Variants in CNTLN observed in about 807,000 individuals in gnomAD.
CNTLN encodes the protein centlein, centrosomal protein.
A neutral mutation model predicts 180.0 loss-of-function variants in CNTLN; 212 were observed. That is an observed-to-expected ratio of 1.18 (90% CI 1.05 to 1.32). The LOEUF (loss-of-function observed/expected upper bound fraction) is 1.32, where lower values mean the gene tolerates loss of function less well. Among genes scored for constraint, CNTLN ranks in the 40% most tolerant of loss-of-function variants. The probability of loss-of-function intolerance (pLI) is 0.00; values close to 1 mark genes in which losing one functional copy is unlikely to be tolerated. For missense variants in CNTLN, 2,095 were observed against 1,610.9 expected (o/e 1.30, Z -5.14); for synonymous variants, 722 against 563.1 (o/e 1.28, Z -3.99).
intron 18 of CNTLN, among the ~76,000 whole-genome samples, chr9:17,421,180 G>T (rs574707986): frequency 4.6e-5 from 7 of 152,156 alleles, no homozygotes; most frequent in African/African-American, 1.2e-4. Context: ...AGCTATTATT[G>T]TATTGTCATA....
intron 18 of CNTLN, among the ~76,000 whole-genome samples, chr9:17,428,653 T>A (rs1010888880): frequency 6.6e-6 from 1 of 152,118 alleles, no homozygotes; most frequent in Admixed American, 6.6e-5. Flanking sequence ...AAAAAATAAT[T>A]CAGTTGAGAT....
intron 23 of CNTLN, among the ~76,000 whole-genome samples, chr9:17,473,388 T>G (rs2383018): frequency 0.047 from 7,129 of 152,098 alleles, 194 homozygotes; most frequent in Middle Eastern, 0.11. Context: ...TCCTCCCAAA[T>G]CTGTACCCAC....
intron 5 of CNTLN, among the ~76,000 whole-genome samples, chr9:17,267,494 G>C (rs1267655691): frequency 6.6e-6 from 1 of 151,884 alleles, no homozygotes; most frequent in Non-Finnish European, 1.5e-5. Flanking sequence ...TTTCAACTTT[G>C]GTGAATCTGA....
In CNTLN at chr9:17,343,834, C is replaced by T. The variant is rs143151290; in HGVS notation, c.1886+1390C>T. ...CCCATATGACTTTGTTGTCACTCCC[C>T]AGCCCTCCCATCCATCCTGCCCAGC... On this transcript the variant is annotated intron_variant, in intron 12 of 25. Transcript: ENST00000380647. 3.3e-5 allele frequency among the ~76,000 whole-genome samples: 5 copies of T among 152,246 alleles called. No homozygotes were observed. The East Asian group carries it at 9.6e-4, about 29-fold the overall frequency.
rs1404740644 is a variant in CNTLN, at chr9:17,384,855, A to T, written c.1988-3307A>T. Among the ~76,000 whole-genome samples the T allele has an allele frequency of 2.0e-5, 3 of 152,046 alleles. No homozygotes were observed. In the South Asian group the frequency reaches 6.2e-4, roughly 32 times the overall value. On this transcript the variant is annotated intron_variant, in intron 13 of 25. Transcript: ENST00000380647. ...TTTTCTTCCACCCAACAACTAACTC[A>T]TTGCTTCTCTAAACTCCAATTGGGC...
intron 13 of CNTLN, among the ~76,000 whole-genome samples, chr9:17,372,269 A>G (rs563615587): frequency 6.6e-6 from 1 of 152,318 alleles, no homozygotes; most frequent in East Asian, 1.9e-4. Flanking sequence ...AAAAGTAGAC[A>G]TTACAACAGA....
intron 2 of CNTLN, among the ~76,000 whole-genome samples, chr9:17,170,677 C>T (rs1468701589): frequency 6.6e-6 from 1 of 151,162 alleles, no homozygotes; most frequent in Non-Finnish European, 1.5e-5. Flanking sequence ...TGTCTGTTTT[C>T]ATTCTTTTGT....
intron 6 of CNTLN, among the ~76,000 whole-genome samples, chr9:17,294,080 T>C (rs1817610864): frequency 1.3e-5 from 2 of 152,166 alleles, no homozygotes; most frequent in Non-Finnish European, 2.9e-5. Flanking sequence ...TTAGAGTTTC[T>C]TCCTTCTGGT....
chr9:17,396,122 C>A (rs1345378196), intron 15 of CNTLN, among the ~76,000 whole-genome samples: 2 of 152,154 alleles, frequency 1.3e-5, no homozygotes, highest in African/African-American at 4.8e-5. Context: ...CCTATGTGGT[C>A]TAAAAAGGGG....
At chr9:17,320,710 C>A (rs1275414132) in intron 8 of CNTLN, among the ~76,000 whole-genome samples, 2 of 151,902 alleles carry the variant, frequency 1.3e-5, no homozygotes, top group Non-Finnish European at 2.9e-5. Flanking sequence ...ACAACGTTGG[C>A]CAGGCTGGTC....
At position 17,325,079 on chromosome 9, in the gene CNTLN, A is replaced by G. The variant is rs557143842; in HGVS notation, c.1342-5553A>G. The stretch of plus-strand genomic sequence containing the variant: ...ACTCAATATAGTGGTCTTTCTAAAA[A>G]TGAAGTATAAATTTAAACTAGTACC... On this transcript the variant is annotated intron_variant, in intron 8 of 25. Transcript: ENST00000380647. Among the ~76,000 whole-genome samples, 4 of 151,526 alleles carry G rather than the reference A, an allele frequency of 2.6e-5. No homozygotes were observed. The South Asian group carries it at 8.3e-4, about 32-fold the overall frequency.
intron 8 of CNTLN, among the ~76,000 whole-genome samples, chr9:17,311,084 G>A (rs996290619): frequency 2.0e-5 from 3 of 151,904 alleles, no homozygotes; most frequent in African/African-American, 7.3e-5. Flanking sequence ...GAGTGCAATG[G>A]TGCGATCTCA....
intron 8 of CNTLN, 41 bp from the exon 9 acceptor site, chr9:17,330,591 C>A (rs1820579153): frequency 3.7e-6 from 4 of 1,075,012 alleles, no homozygotes; most frequent in Non-Finnish European, 2.7e-6. Flanking sequence ...ATGTAAGATA[C>A]AAACATAGAT....
At position 17,330,697 on chromosome 9, in the gene CNTLN, G is replaced by A. The variant is rs779860424; in HGVS notation, c.1407G>A (p.Glu469=). The change falls in exon 9 of 26, where the codon GAG becomes GAA. Residue 469 remains glutamate, a synonymous_variant. Transcript: ENST00000380647. ...TGGTTTCACAGAAGTCTGAAATTGA[G>A]TATTTACAGGAGAAACTAAAGATAG... ...TLMVSQKSEI[E]YLQEKLKIAN... is the part of the protein sequence containing the mutation. 6.2e-7 allele frequency: 1 copy of A among 1,611,482 alleles called. No individual in the cohort carries two copies. Among genetic ancestry groups the A allele is most frequent in the Non-Finnish European group, 8.5e-7 (1 of 1,178,320 alleles).
chr9:17,469,951 A>T (rs1216660449), intron 23 of CNTLN, among the ~76,000 whole-genome samples: 4 of 151,912 alleles, frequency 2.6e-5, no homozygotes, highest in Admixed American at 1.3e-4. Flanking sequence ...TAAGTAAGTT[A>T]CAATAGCTAA....
chr9:17,365,387 T>C (rs1209715362), intron 12 of CNTLN, among the ~76,000 whole-genome samples: 1 of 152,182 alleles, frequency 6.6e-6, no homozygotes, highest in Non-Finnish European at 1.5e-5. Flanking sequence ...TGTGAGTCAA[T>C]TGAACCTCTT....
intron 16 of CNTLN, among the ~76,000 whole-genome samples, chr9:17,414,486 G>A (rs1279079231): frequency 3.3e-5 from 5 of 151,972 alleles, no homozygotes; most frequent in South Asian, 2.1e-4. Context: ...TGCTCAGTGC[G>A]TGGCTGATAC....
At chr9:17,506,902 A>C (rs796179696), downstream of CNTLN, among the ~76,000 whole-genome samples, 1 of 152,186 alleles carries the variant, frequency 6.6e-6, no homozygotes, top group Non-Finnish European at 1.5e-5. Flanking sequence ...GTTTCAATGC[A>C]TGCGTACATT....
intron 2 of CNTLN, among the ~76,000 whole-genome samples, chr9:17,156,390 C>T (rs1041838258): frequency 9.2e-5 from 14 of 152,060 alleles, no homozygotes; most frequent in South Asian, 2.1e-4. Context: ...TCACATTTCT[C>T]GGATTGTCTA....
Sources: gnomAD v4.1 joint callset for allele counts (sites outside exome capture counted in the v4.1 genomes callset) on GRCh38, gnomAD v4.1.1 for gene constraint, MANE v1.5 for transcripts, NCBI Gene and HGNC (gene_info 2026-07-23, HGNC 2026-07-21) for gene names.